DERA: variants seen among roughly 807,000 people sequenced by gnomAD.
DERA encodes the protein deoxyribose-phosphate aldolase.
DERA carries 15 observed loss-of-function variants against 41.1 expected under a neutral mutation model. The observed-to-expected ratio is 0.37, with a 90% CI of 0.24 to 0.56. DERA has a LOEUF of 0.56. Ranked by LOEUF, DERA falls within the 20% of genes least tolerant of loss-of-function variation. The pLI, the probability that DERA is intolerant of heterozygous loss-of-function variation, is 0.81. For synonymous variants in DERA, 139 were observed against 137.4 expected (o/e 1.01, Z -0.08); for missense variants, 396 against 403.4 (o/e 0.98, Z 0.16).
rs1337539599 is a variant in DERA, at chr12:15,967,189, A to T, written c.508+4242A>T. Among the ~76,000 whole-genome samples, 2 of 142,018 alleles carry T rather than the reference A, an allele frequency of 1.4e-5. No homozygotes were observed. Among genetic ancestry groups the T allele is most frequent in the Non-Finnish European group, 3.1e-5 (2 of 64,580 alleles). The allele number at this position is 142,018 out of a possible 152,430, so 93.2% of individuals were successfully genotyped here. A position where few individuals can be genotyped will look rare whatever the true frequency, so the allele number is the denominator to read the frequency against. ...ACATGGCAAAACCCCATCTCTGCATAAAAAAAAAAAAATGCAAAAATTAGC... is the reference window on the plus strand; with the variant it reads ...ACATGGCAAAACCCCATCTCTGCATTAAAAAAAAAAAATGCAAAAATTAGC... On this transcript the variant is annotated intron_variant, in intron 5 of 8. Transcript: ENST00000428559. The surrounding 1 kb of genome is among the most constrained non-coding windows in gnomAD (Gnocchi z 4.9).
intron 6 of DERA, among the ~76,000 whole-genome samples, chr12:16,029,628 G>A (rs1949077370): frequency 6.6e-6 from 1 of 151,844 alleles, no homozygotes; most frequent in South Asian, 2.1e-4. Flanking sequence ...AGCTTCTCCT[G>A]TGTGTCGTGC....
In DERA at chr12:15,924,689, A is replaced by G. The variant is rs1197215881; in HGVS notation, c.31+13275A>G. Among the ~76,000 whole-genome samples, 1 of 152,230 alleles carries G rather than the reference A, an allele frequency of 6.6e-6. No individual in the cohort carries two copies. On this transcript the variant is annotated intron_variant, in intron 1 of 8. Coordinates refer to ENST00000428559, the MANE Select transcript of DERA (RefSeq NM_015954.4). The surrounding 1 kb of genome is among the most constrained non-coding windows in gnomAD (Gnocchi z 5.0). ...TTACCTTTAACTTGATGAGTGATCA[A>G]TAAATGGTAGCCATTATTGTAATTC...
rs1948841785 is a variant in DERA at position 15,996,898 on chromosome 12, A to G, written c.637+14462A>G. Among the ~76,000 whole-genome samples the G allele has an allele frequency of 2.0e-5, 3 of 152,218 alleles. No homozygotes were observed. Among genetic ancestry groups the G allele is most frequent in the Admixed American group, 2.0e-4 (3 of 15,282 alleles). ...TAGATATTAAATATTTTTATCTGCA[A>G]AAAGCATTTGGTAAGGTTCTCAATG... On this transcript the variant is annotated intron_variant, in intron 6 of 8. Transcript: ENST00000428559. The surrounding 1 kb of genome is among the most constrained non-coding windows in gnomAD (Gnocchi z 4.7).
Position 15,998,996 on chromosome 12 carries a change from G to C in DERA, c.637+16560G>C, listed in dbSNP as rs184741138. Among the ~76,000 whole-genome samples the C allele has an allele frequency of 6.6e-6, 1 of 152,316 alleles. No homozygotes were observed. Among genetic ancestry groups the C allele is most frequent in the East Asian group, 1.9e-4 (1 of 5,180 alleles). Reference sequence around the variant, plus strand: ...TCTACTGTTCTGATAGCACTATCAAGATTTCACCTCCTTTCATCTTCAACA... The same window carrying C: ...TCTACTGTTCTGATAGCACTATCAACATTTCACCTCCTTTCATCTTCAACA... On this transcript the variant is annotated intron_variant, in intron 6 of 8. Transcript: ENST00000428559. This position sits in a 1 kb window ranked among gnomAD's most constrained non-coding sequence, Gnocchi z 4.8.
intron 1 of DERA, among the ~76,000 whole-genome samples, chr12:15,946,470 T>C (rs865991604): frequency 6.6e-6 from 1 of 152,208 alleles, no homozygotes; most frequent in Admixed American, 6.5e-5. Flanking sequence ...GATGTATGTG[T>C]CCAGGAATTT....
intron 6 of DERA, among the ~76,000 whole-genome samples, chr12:16,025,241 C>T (rs769093855): frequency 4.8e-4 from 73 of 152,002 alleles, no homozygotes; most frequent in Non-Finnish European, 9.4e-4. Flanking sequence ...TGTTAGTAGT[C>T]TAAATATGCC....
chr12:16,004,110 C>T lies in DERA; in HGVS notation c.637+21674C>T, dbSNP rs1468660752. ...TTCCAGCCGGCTGTGAATTTACAAA[C>T]TTTTGGAATGCAATCTATTTCTAGG... On this transcript the variant is annotated intron_variant, in intron 6 of 8. Coordinates refer to ENST00000428559, the MANE Select transcript of DERA (RefSeq NM_015954.4). The surrounding 1 kb of genome is among the most constrained non-coding windows in gnomAD (Gnocchi z 4.2). 6.6e-6 allele frequency among the ~76,000 whole-genome samples: 1 copy of T among 152,156 alleles called. No homozygotes were observed. Among genetic ancestry groups the T allele is most frequent in the Non-Finnish European group, 1.5e-5 (1 of 68,020 alleles).
rs1948192382 is a variant in DERA at position 15,915,487 on chromosome 12, G to A, written c.31+4073G>A. On this transcript the variant is annotated intron_variant, in intron 1 of 8. Coordinates refer to ENST00000428559, the MANE Select transcript of DERA (RefSeq NM_015954.4). This position sits in a 1 kb window ranked among gnomAD's most constrained non-coding sequence, Gnocchi z 4.8. ...TATTTATTGTTTCAATAGAGACCGT[G>A]TGTCAGTATGTTGACCAGACTGTTC... Among the ~76,000 whole-genome samples the A allele has an allele frequency of 2.0e-5, 3 of 152,120 alleles. No homozygotes were observed. Among genetic ancestry groups the A allele is most frequent in the Admixed American group, 6.6e-5 (1 of 15,264 alleles).
At position 15,981,249 on chromosome 12, in the gene DERA, G is replaced by A. The variant is rs752623090; in HGVS notation, c.509-1059G>A. Among the ~76,000 whole-genome samples, 1 of 152,200 alleles carries A rather than the reference G, an allele frequency of 6.6e-6. No individual in the cohort carries two copies. Among genetic ancestry groups the A allele is most frequent in the African/African-American group, 2.4e-5 (1 of 41,452 alleles). ...TGTAGTCCCAGCTACTCGGGAGGCT[G>A]AGGCAGGAGAATGGCGTGAACCCCA... On this transcript the variant is annotated intron_variant, in intron 5 of 8. Transcript: ENST00000428559. The surrounding 1 kb of genome is among the most constrained non-coding windows in gnomAD (Gnocchi z 6.1).
In DERA at chr12:16,036,966, G is replaced by A; in HGVS notation, c.*220G>A. ...AATGATCTTAATTACTAGAAGATCT[G>A]CACTATTAACTTTGTGAAGAGTTTC... On this transcript the variant is annotated 3_prime_UTR_variant, in exon 9 of 9. Coordinates refer to ENST00000428559, the MANE Select transcript of DERA (RefSeq NM_015954.4). This position sits in a 1 kb window ranked among gnomAD's most constrained non-coding sequence, Gnocchi z 4.9. 2.1e-6 allele frequency: 1 copy of A among 483,192 alleles called. No homozygotes were observed. Among genetic ancestry groups the A allele is most frequent in the Non-Finnish European group, 3.6e-6 (1 of 276,712 alleles). 29.9% of individuals were successfully genotyped at this position (483,192 alleles called of 1,614,324 possible). A position where few individuals can be genotyped will look rare whatever the true frequency, so the allele number is the denominator to read the frequency against.
Position 15,985,749 on chromosome 12 carries a change from A to C in DERA, c.637+3313A>C, listed in dbSNP as rs889684947. On this transcript the variant is annotated intron_variant, in intron 6 of 8. Transcript: ENST00000428559. The surrounding 1 kb of genome is among the most constrained non-coding windows in gnomAD (Gnocchi z 4.2). ...TCCTCAGAGAGTATCCATTGTAAGA[A>C]TCTTTTGTCTTTTGGAATTAACAGT... Among the ~76,000 whole-genome samples, 2 of 152,074 alleles carry C rather than the reference A, an allele frequency of 1.3e-5. No individual in the cohort carries two copies. The highest frequency in any genetic ancestry group is 2.9e-5 in the Non-Finnish European group (2 of 68,006).
At chr12:15,944,479 G>A (rs1329219705) in intron 1 of DERA, among the ~76,000 whole-genome samples, 8 of 152,190 alleles carry the variant, frequency 5.3e-5, no homozygotes, top group African/African-American at 1.9e-4. Flanking sequence ...CTGATGGCCA[G>A]TGATGATGAG....
Position 15,918,982 on chromosome 12 carries a change from G to GA in DERA, c.31+7576dup, listed in dbSNP as rs922180379. ...TAAGAGTAATGTTTTCATGAAGAAA[G>GA]AAAAAAAATCCTTCATAGCCTATGT... On this transcript the variant is annotated intron_variant, in intron 1 of 8. Transcript: ENST00000428559. The surrounding 1 kb of genome is among the most constrained non-coding windows in gnomAD (Gnocchi z 4.3). Among the ~76,000 whole-genome samples the GA allele has an allele frequency of 6.6e-6, 1 of 151,636 alleles. No homozygotes were observed. The highest frequency in any genetic ancestry group is 2.1e-4 in the South Asian group (1 of 4,816).
intron 2 of DERA, 21 bp from the exon 3 acceptor site, chr12:15,958,167 T>C: frequency 2.0e-6 from 3 of 1,522,620 alleles, no homozygotes; most frequent in Non-Finnish European, 2.6e-6. Flanking sequence ...TTTACTTTGT[T>C]TTCACTTTTG....
chr12:16,028,643 T>C (rs1400975708), intron 6 of DERA, among the ~76,000 whole-genome samples: 1 of 152,324 alleles, frequency 6.6e-6, no homozygotes, highest in South Asian at 2.1e-4. Flanking sequence ...CAAGTGCTCA[T>C]GGTCAACATC....
Position 15,911,668 on chromosome 12 carries a change from T to TC in DERA, c.31+256dup. On this transcript the variant is annotated intron_variant, in intron 1 of 8. Coordinates refer to ENST00000428559, the MANE Select transcript of DERA (RefSeq NM_015954.4). This position sits in a 1 kb window ranked among gnomAD's most constrained non-coding sequence, Gnocchi z 4.5. ...GTAGGAAAGGGTTAGATTATTATCT[T>TC]CCTGCCTTTTCGTTCACTCTAGCTC... 1.5e-6 allele frequency: 1 copy of TC among 686,338 alleles called. No individual in the cohort carries two copies. Among genetic ancestry groups the TC allele is most frequent in the Non-Finnish European group, 2.7e-6 (1 of 375,156 alleles). The allele number at this position is 686,338 out of a possible 1,614,324, so 42.5% of individuals were successfully genotyped here.
At position 15,911,753 on chromosome 12, in the gene DERA, G is replaced by A. The variant is rs764171352; in HGVS notation, c.31+339G>A. ...ACCCAAAACAAACAACCCCCAAGCAGGTAAAAACAGATAAAAACCTTCTTT... is the reference window on the plus strand; with the variant it reads ...ACCCAAAACAAACAACCCCCAAGCAAGTAAAAACAGATAAAAACCTTCTTT... On this transcript the variant is annotated intron_variant, in intron 1 of 8. Coordinates refer to ENST00000428559, the MANE Select transcript of DERA (RefSeq NM_015954.4). This position sits in a 1 kb window ranked among gnomAD's most constrained non-coding sequence, Gnocchi z 4.5. 14 of 581,838 alleles carry A rather than the reference G, an allele frequency of 2.4e-5. No individual in the cohort carries two copies. Among genetic ancestry groups the A allele is most frequent in the Non-Finnish European group, 4.2e-5 (13 of 309,048 alleles). The allele number at this position is 581,838 out of a possible 1,614,324, so 36.0% of individuals were successfully genotyped here. A position where few individuals can be genotyped will look rare whatever the true frequency, so the allele number is the denominator to read the frequency against.
intron 6 of DERA, among the ~76,000 whole-genome samples, chr12:16,030,200 G>C (rs1185600858): frequency 6.6e-6 from 1 of 151,450 alleles, no homozygotes; most frequent in Non-Finnish European, 1.5e-5. Flanking sequence ...CCAAAGTGCT[G>C]GGATTACAGT....
intron 1 of DERA, among the ~76,000 whole-genome samples, chr12:15,949,127 G>T (rs997053707): frequency 6.6e-6 from 1 of 152,162 alleles, no homozygotes; most frequent in African/African-American, 2.4e-5. Context: ...GTGCCTCCCA[G>T]TTAGGCTACT....
Sources: gnomAD v4.1 joint callset for allele counts (sites outside exome capture counted in the v4.1 genomes callset) on GRCh38, gnomAD v4.1.1 for gene constraint, Gnocchi (gnomAD v3.1) non-coding constraint, MANE v1.5 for transcripts, NCBI Gene and HGNC (gene_info 2026-07-23, HGNC 2026-07-21) for gene names.